TENM3: variants seen among roughly 807,000 people sequenced by gnomAD.
TENM3 encodes teneurin-3.
In TENM3, 63 loss-of-function variants were observed where a neutral mutation model predicts 255.1. The ratio of observed to expected loss-of-function variants is 0.25; its 90% CI spans 0.20 to 0.30. TENM3 has a LOEUF of 0.30. TENM3 is among the 10% of genes least tolerant of loss of function. The pLI is 1.00. For missense variants in TENM3, 2,929 were observed against 3,461.1 expected (o/e 0.85, Z 3.86); for synonymous variants, 1,306 against 1,322.3 (o/e 0.99, Z 0.27).
the TENM3 span, among the ~76,000 whole-genome samples, chr4:181,843,529 C>A: frequency 6.6e-6 from 1 of 152,120 alleles, no homozygotes; most frequent in Admixed American, 6.6e-5. Context: ...TAAGTGTTGT[C>A]TGCAGAATGA....
intron 2 of TENM3, among the ~76,000 whole-genome samples, chr4:182,345,259 C>T (rs889072384): frequency 6.6e-6 from 1 of 152,210 alleles, no homozygotes; most frequent in African/African-American, 2.4e-5. Flanking sequence ...AATATCTTTA[C>T]AACCCAATAT....
the TENM3 span, among the ~76,000 whole-genome samples, chr4:182,004,103 CAAAACAAAACA>C: frequency 6.6e-6 from 1 of 151,814 alleles, no homozygotes; most frequent in East Asian, 1.9e-4. Context: ...TCTAAAAAAA[CAAAACAAAACA>C]AAACAGGATA....
the TENM3 span, among the ~76,000 whole-genome samples, chr4:181,809,751 C>T: frequency 6.6e-6 from 1 of 152,060 alleles, no homozygotes; most frequent in Non-Finnish European, 1.5e-5. Flanking sequence ...ATCTGGGCGG[C>T]CCACTGTAAT....
rs78417996 is a variant in TENM3, at chr4:182,595,926, A to G, written c.512-4998A>G. On this transcript the variant is annotated intron_variant, in intron 3 of 27. Coordinates refer to ENST00000511685, the MANE Select transcript of TENM3 (RefSeq NM_001080477.4). Reference sequence around the variant, plus strand: ...ATTATATATTTTATATGATCTTTATATTATTCACATATCTTTAAAGGTAGA... The same window carrying G: ...ATTATATATTTTATATGATCTTTATGTTATTCACATATCTTTAAAGGTAGA... Among the ~76,000 whole-genome samples, 1,151 of 151,240 alleles carry G rather than the reference A, an allele frequency of 7.6e-3. 45 individuals carry two copies. The East Asian group carries it at 0.096, about 13-fold the overall frequency.
At chr4:182,697,571 A>G (rs983047684) in intron 12 of TENM3, among the ~76,000 whole-genome samples, 1 of 152,110 alleles carries the variant, frequency 6.6e-6, no homozygotes, top group Non-Finnish European at 1.5e-5. Context: ...TCCCTGAGAG[A>G]GTCATGGAAA....
chr4:181,749,320 T>C, the TENM3 span, among the ~76,000 whole-genome samples: 1 of 151,874 alleles, frequency 6.6e-6, no homozygotes, highest in Non-Finnish European at 1.5e-5. Flanking sequence ...TTGGCAAGGG[T>C]GGGGCAATTT....
At chr4:182,273,996 T>C (rs1561269677) in intron 1 of TENM3, among the ~76,000 whole-genome samples, 1 of 152,178 alleles carries the variant, frequency 6.6e-6, no homozygotes. Flanking sequence ...TCTTTCTCCC[T>C]ACAATGGACC....
At chr4:182,704,333 G>A (rs1004455770) in intron 12 of TENM3, among the ~76,000 whole-genome samples, 1 of 152,144 alleles carries the variant, frequency 6.6e-6, no homozygotes, top group African/African-American at 2.4e-5. Flanking sequence ...CCTGCCTTCT[G>A]CACCTTGAGT....
chr4:182,753,478 C>G lies in TENM3; in HGVS notation c.3891C>G (p.Ile1297Met). ...TGGCAGTTGATAAGAATGGATTAAT[C>G]TACTTTGTTGATGGAACCATGATTA... ...KGMAVDKNGL[I>M]YFVDGTMIRK... The change falls in exon 21 of 28, where the codon ATC becomes ATG. Residue 1297 changes from isoleucine (I) to methionine (M), a missense_variant. Physicochemically the swap from Ile to Met is conservative, Grantham distance 10. Transcript: ENST00000511685. 1 of 1,613,790 alleles carries G rather than the reference C, an allele frequency of 6.2e-7. No individual in the cohort carries two copies. Among genetic ancestry groups the G allele is most frequent in the South Asian group, 1.1e-5 (1 of 91,064 alleles).
the TENM3 span, among the ~76,000 whole-genome samples, chr4:181,572,893 C>T: frequency 6.6e-6 from 1 of 152,196 alleles, no homozygotes; most frequent in African/African-American, 2.4e-5. Context: ...CCACCCTTCA[C>T]TACCCTTCCT....
At chr4:181,971,418 A>G in the TENM3 span, among the ~76,000 whole-genome samples, 1 of 152,230 alleles carries the variant, frequency 6.6e-6, no homozygotes, top group Non-Finnish European at 1.5e-5. Flanking sequence ...ATCCACATCC[A>G]AAATCATGGT....
At chr4:182,731,549 A>G (rs143639281) in intron 16 of TENM3, among the ~76,000 whole-genome samples, 2,156 of 152,050 alleles carry the variant, frequency 0.014, 55 homozygotes, top group African/African-American at 0.05. Flanking sequence ...CCCACGGATT[A>G]TAGAATTCCA....
At chr4:182,124,519 G>C in the TENM3 span, among the ~76,000 whole-genome samples, 1 of 152,166 alleles carries the variant, frequency 6.6e-6, no homozygotes, top group Non-Finnish European at 1.5e-5. Context: ...TTCACCAAGG[G>C]AGTGAGTCTA....
At chr4:181,819,503 T>C in the TENM3 span, among the ~76,000 whole-genome samples, 10 of 152,170 alleles carry the variant, frequency 6.6e-5, no homozygotes, top group East Asian at 1.9e-3. Flanking sequence ...GCCATCGGGA[T>C]TGTTCGTAAT....
Position 182,567,005 on chromosome 4 carries a change from C to T in TENM3, c.512-33919C>T, listed in dbSNP as rs550624217. ...CCTAAAGATAATTAAAGTAATGAAGCATGTGTTAACTACATACTGCAAAGG... is the reference window on the plus strand; with the variant it reads ...CCTAAAGATAATTAAAGTAATGAAGTATGTGTTAACTACATACTGCAAAGG... On this transcript the variant is annotated intron_variant, in intron 3 of 27. Transcript: ENST00000511685. Among the ~76,000 whole-genome samples the T allele has an allele frequency of 1.2e-4, 18 of 151,952 alleles. No homozygotes were observed. In the South Asian group the frequency reaches 3.8e-3, roughly 32 times the overall value.
chr4:181,695,383 G>A, the TENM3 span, among the ~76,000 whole-genome samples: 2 of 152,258 alleles, frequency 1.3e-5, no homozygotes, highest in East Asian at 1.9e-4. Context: ...TCAAAATCAT[G>A]AGTAATCCCC....
At chr4:181,478,437 G>A in the TENM3 span, among the ~76,000 whole-genome samples, 1 of 152,096 alleles carries the variant, frequency 6.6e-6, no homozygotes, top group Admixed American at 6.6e-5. Context: ...ACTCGATCAC[G>A]CTCCTACTGC....
chr4:182,417,135 A>G (rs186123782), intron 3 of TENM3, among the ~76,000 whole-genome samples: 2,449 of 151,784 alleles, frequency 0.016, 53 homozygotes, highest in African/African-American at 0.054. Context: ...CACCACGCCC[A>G]GCTAATTTTT....
chr4:181,636,631 C>A, the TENM3 span, among the ~76,000 whole-genome samples: 1 of 152,154 alleles, frequency 6.6e-6, no homozygotes, highest in African/African-American at 2.4e-5. Context: ...CTTGATGTAC[C>A]CACACTCCAC....
Sources: allele counts gnomAD v4.1 joint callset (sites outside exome capture counted in the v4.1 genomes callset), GRCh38; gene constraint gnomAD v4.1.1; transcripts MANE v1.5; gene names NCBI Gene and HGNC (gene_info 2026-07-23, HGNC 2026-07-21).